DAB2IP: variants seen among roughly 807,000 people sequenced by gnomAD.
DAB2IP encodes disabled homolog 2-interacting protein.
DAB2IP carries 28 observed loss-of-function variants against 107.2 expected under a neutral mutation model. The observed-to-expected ratio is 0.26, with a 90% CI of 0.19 to 0.36. The LOEUF (loss-of-function observed/expected upper bound fraction) is 0.36. DAB2IP is among the 10% of genes least tolerant of loss of function. DAB2IP has a pLI of 1.00. For synonymous variants in DAB2IP, 755 were observed against 706.4 expected (o/e 1.07, Z -1.09); for missense variants, 1,400 against 1,644.7 (o/e 0.85, Z 2.57).
At position 121,634,304 on chromosome 9, in the gene DAB2IP, G is replaced by C. The variant is rs1358566499; in HGVS notation, c.41-44374G>C. On this transcript the variant is annotated intron_variant, in intron 1 of 16. Transcript: ENST00000259371. This position sits in a 1 kb window ranked among gnomAD's most constrained non-coding sequence, Gnocchi z 4.7. ...GGCCAGAAAGAGGAGAGATGGAGGA[G>C]GCAGAGGCCCCGGCCGGCCACACTT... Among the ~76,000 whole-genome samples the C allele has an allele frequency of 6.6e-6, 1 of 152,202 alleles. No homozygotes were observed. The highest frequency in any genetic ancestry group is 1.5e-5 in the Non-Finnish European group (1 of 68,036).
At chr9:121,723,201 G>C (rs930062536) in intron 3 of DAB2IP, among the ~76,000 whole-genome samples, 1 of 152,200 alleles carries the variant, frequency 6.6e-6, no homozygotes, top group South Asian at 2.1e-4. Flanking sequence ...TTTCCCAGCA[G>C]TGCCACACAG....
chr9:121,761,579 C>A (rs2118974363), intron 6 of DAB2IP, among the ~76,000 whole-genome samples: 1 of 152,320 alleles, frequency 6.6e-6, no homozygotes, highest in African/African-American at 2.4e-5. Context: ...CCTCTGCAGC[C>A]CCCCTCCCTC....
chr9:121,699,424 C>A lies in DAB2IP; in HGVS notation c.328C>A (p.Arg110=). ...CTTCCGCCACATCCTGCCGGGGTTC[C>A]GGAGCGCCGCCGCCGCCGCCGCGGA... Residue 110 remains arginine, a synonymous_variant, in exon 3 of 16, where the codon CGG becomes AGG. Transcript: ENST00000408936. This position sits in a 1 kb window ranked among gnomAD's most constrained non-coding sequence, Gnocchi z 6.2. 2 of 1,460,594 alleles carry A rather than the reference C, an allele frequency of 1.4e-6. No homozygotes were observed. Among genetic ancestry groups the A allele is most frequent in the Non-Finnish European group, 1.8e-6 (2 of 1,095,738 alleles). The allele number at this position is 1,460,594 out of a possible 1,614,324, so 90.5% of individuals were successfully genotyped here.
intron 1 of DAB2IP, among the ~76,000 whole-genome samples, chr9:121,609,809 C>G (rs1831026229): frequency 6.6e-6 from 1 of 152,226 alleles, no homozygotes; most frequent in Non-Finnish European, 1.5e-5. Context: ...GCAACATCAC[C>G]CACTTCTCAG....
At chr9:121,665,613 G>A (rs1833386637) in intron 1 of DAB2IP, among the ~76,000 whole-genome samples, 1 of 152,160 alleles carries the variant, frequency 6.6e-6, no homozygotes, top group African/African-American at 2.4e-5. Context: ...GATAACATGT[G>A]TACAGATGTG....
At chr9:121,594,428 G>A (rs1190698811) in intron 1 of DAB2IP, among the ~76,000 whole-genome samples, 1 of 151,756 alleles carries the variant, frequency 6.6e-6, no homozygotes, top group Non-Finnish European at 1.5e-5. Flanking sequence ...GTAGAGATGA[G>A]GTTTCACCAT....
intron 2 of DAB2IP, among the ~76,000 whole-genome samples, chr9:121,687,830 A>G (rs563085482): frequency 1.1e-4 from 16 of 152,306 alleles, no homozygotes; most frequent in African/African-American, 3.1e-4. Context: ...AAGTTCTCAC[A>G]GCGCCTGGAC....
intron 3 of DAB2IP, 139 bp from the exon 4 acceptor site, chr9:121,756,874 T>C (rs886298839): frequency 8.2e-6 from 10 of 1,214,722 alleles, no homozygotes; most frequent in Middle Eastern, 2.8e-4. Context: ...CCCAGATCTG[T>C]CTTAAGACAG....
intron 1 of DAB2IP, among the ~76,000 whole-genome samples, chr9:121,618,184 C>G (rs1455361930): frequency 6.6e-6 from 1 of 152,192 alleles, no homozygotes; most frequent in Non-Finnish European, 1.5e-5. Flanking sequence ...GTCTGTCTCT[C>G]TCTTCCCATT....
upstream of DAB2IP, among the ~76,000 whole-genome samples, chr9:121,646,722 TC>T (rs1832552434): frequency 2.6e-5 from 4 of 152,168 alleles, no homozygotes; most frequent in South Asian, 8.3e-4. Flanking sequence ...CTGTCAGGAC[TC>T]CTGTCGCCCC....
chr9:121,582,609 C>T (rs980595077), intron 1 of DAB2IP, among the ~76,000 whole-genome samples: 3 of 152,022 alleles, frequency 2.0e-5, no homozygotes, highest in African/African-American at 7.2e-5. Flanking sequence ...GCCACTGGCA[C>T]CCTGGGCAGC....
At chr9:121,758,428 C>A (rs1300950877) in intron 4 of DAB2IP, among the ~76,000 whole-genome samples, 2 of 152,150 alleles carry the variant, frequency 1.3e-5, no homozygotes, top group African/African-American at 4.8e-5. Context: ...CGGAAGAGAA[C>A]CCTCAGAGTT....
At chr9:121,784,843 T>G (rs1835897950) in exon 16 of DAB2IP, 1 of 152,830 alleles carries the variant, frequency 6.5e-6, no homozygotes, top group Non-Finnish European at 1.5e-5. Flanking sequence ...TAGTGGCCAC[T>G]GGGGTGCCTT....
At chr9:121,706,172 G>T (rs1380525391) in intron 3 of DAB2IP, among the ~76,000 whole-genome samples, 2 of 152,214 alleles carry the variant, frequency 1.3e-5, no homozygotes, top group African/African-American at 2.4e-5. Context: ...GCATCCATCT[G>T]CGAGGTGTGT....
At chr9:121,765,947 C>CT (rs751087383) in intron 8 of DAB2IP, among the ~76,000 whole-genome samples, 5 of 151,994 alleles carry the variant, frequency 3.3e-5, no homozygotes, top group Non-Finnish European at 5.9e-5. Flanking sequence ...TCTTCTTGAT[C>CT]TTTCTGAGCT....
At chr9:121,743,541 T>A (rs1455760690) in intron 3 of DAB2IP, among the ~76,000 whole-genome samples, 1 of 152,108 alleles carries the variant, frequency 6.6e-6, no homozygotes, top group Non-Finnish European at 1.5e-5. Flanking sequence ...TACAGAGAGT[T>A]GGAACATAGC....
intron 1 of DAB2IP, among the ~76,000 whole-genome samples, chr9:121,592,199 C>T (rs1272995538): frequency 6.6e-6 from 1 of 152,094 alleles, no homozygotes; most frequent in Non-Finnish European, 1.5e-5. Flanking sequence ...GAAACCCCAT[C>T]TCTACTGAAT....
rs1277563886 is a variant in DAB2IP at position 121,599,802 on chromosome 9, G to C, written c.40+32574G>C. 6.6e-6 allele frequency among the ~76,000 whole-genome samples: 1 copy of C among 152,128 alleles called. No individual in the cohort carries two copies. The highest frequency in any genetic ancestry group is 1.5e-5 in the Non-Finnish European group (1 of 68,004). Reference sequence around the variant, plus strand: ...GGGGCCGCGGCTCAGGTGGAGGGGGGCTCGGTGGTTTGCCGGGATCCGAGC... The same window carrying C: ...GGGGCCGCGGCTCAGGTGGAGGGGGCCTCGGTGGTTTGCCGGGATCCGAGC... On this transcript the variant is annotated intron_variant, in intron 1 of 16. Transcript: ENST00000259371. The surrounding 1 kb of genome is among the most constrained non-coding windows in gnomAD (Gnocchi z 6.9).
chr9:121,605,287 T>C (rs986802585), intron 1 of DAB2IP, among the ~76,000 whole-genome samples: 1 of 152,022 alleles, frequency 6.6e-6, no homozygotes, highest in Admixed American at 6.6e-5. Flanking sequence ...TCCCAAAGTG[T>C]TGATTACAGG....
Sources: allele counts gnomAD v4.1 joint callset (sites outside exome capture counted in the v4.1 genomes callset), GRCh38; gene constraint gnomAD v4.1.1; non-coding constraint Gnocchi (gnomAD v3.1); transcripts MANE v1.5; gene names NCBI Gene and HGNC (gene_info 2026-07-23, HGNC 2026-07-21).